The following SEMA3D variants were observed in gnomAD, a reference collection of about 807,000 sequenced individuals.
The protein encoded by SEMA3D is semaphorin-3D.
In SEMA3D, 84 loss-of-function variants were observed where a neutral mutation model predicts 100.1. The ratio of observed to expected loss-of-function variants is 0.84; its 90% CI spans 0.70 to 1.01. The LOEUF (loss-of-function observed/expected upper bound fraction) is 1.01, where lower values mean the gene tolerates loss of function less well. SEMA3D is among the 50% of genes least tolerant of loss of function. The pLI, the probability that SEMA3D is intolerant of heterozygous loss-of-function variation, is 0.00. For missense variants in SEMA3D, 875 were observed against 934.1 expected (o/e 0.94, Z 0.82); for synonymous variants, 312 against 320.7 (o/e 0.97, Z 0.29).
At chr7:85,008,098 A>G (rs1444876778) in intron 17 of SEMA3D, among the ~76,000 whole-genome samples, 1 of 151,858 alleles carries the variant, frequency 6.6e-6, no homozygotes, top group African/African-American at 2.4e-5. Context: ...CAGTTAATAA[A>G]TTCCTAATGC....
At chr7:85,194,546 G>C in the SEMA3D span, among the ~76,000 whole-genome samples, 4 of 152,058 alleles carry the variant, frequency 2.6e-5, no homozygotes, top group Non-Finnish European at 5.9e-5. Flanking sequence ...CTCAGTCAAT[G>C]ATTTTTCAGC....
chr7:85,234,865 C>T, the SEMA3D span, among the ~76,000 whole-genome samples: 120 of 152,286 alleles, frequency 7.9e-4, 1 homozygote, highest in Non-Finnish European at 3.5e-4. Context: ...GGAAGAGTCC[C>T]TTTGCATCGC....
At chr7:85,134,655 C>G (rs559984878) in intron 2 of SEMA3D, among the ~76,000 whole-genome samples, 3 of 151,964 alleles carry the variant, frequency 2.0e-5, no homozygotes, top group African/African-American at 7.2e-5. Context: ...CCACGGTATC[C>G]CCAAAGCTTA....
At position 84,998,847 on chromosome 7, in the gene SEMA3D, G is replaced by A. The variant is rs149764246; in HGVS notation, c.*593C>T. 2,275 of 153,430 alleles carry A rather than the reference G, an allele frequency of 0.015. 27 individuals are homozygous for A. Among genetic ancestry groups the A allele is most frequent in the Non-Finnish European group, 0.024 (1,667 of 68,892 alleles). 9.5% of individuals were successfully genotyped at this position (153,430 alleles called of 1,614,324 possible). On this transcript the variant is annotated 3_prime_UTR_variant, in exon 19 of 19. Coordinates refer to ENST00000284136, the MANE Select transcript of SEMA3D (RefSeq NM_001384900.1). ...CATTAGTGCCCTTCAGTAAATCAATGTTGTAGTACACTAAATTTAACCCCA... is the reference window on the plus strand; with the variant it reads ...CATTAGTGCCCTTCAGTAAATCAATATTGTAGTACACTAAATTTAACCCCA...
intron 5 of SEMA3D, among the ~76,000 whole-genome samples, chr7:85,077,413 T>C (rs978750916): frequency 3.4e-4 from 52 of 152,174 alleles, no homozygotes; most frequent in African/African-American, 9.6e-4. Flanking sequence ...ATTTATGTTA[T>C]ACAAATATGT....
intron 16 of SEMA3D, among the ~76,000 whole-genome samples, chr7:85,013,134 A>G (rs1220542966): frequency 6.6e-6 from 1 of 151,824 alleles, no homozygotes; most frequent in African/African-American, 2.4e-5. Flanking sequence ...AAAAGGTTAA[A>G]TAAAAATACA....
chr7:85,037,283 G>A (rs1408503717), intron 11 of SEMA3D, among the ~76,000 whole-genome samples: 1 of 152,156 alleles, frequency 6.6e-6, no homozygotes, highest in Non-Finnish European at 1.5e-5. Context: ...ACCCAGTATA[G>A]GGCTGCCAGG....
At chr7:85,225,825 C>T in the SEMA3D span, among the ~76,000 whole-genome samples, 31 of 152,162 alleles carry the variant, frequency 2.0e-4, no homozygotes, top group Admixed American at 9.8e-4. Context: ...CCATTGCATC[C>T]GGCCAGGGGG....
chr7:85,230,241 C>T, the SEMA3D span, among the ~76,000 whole-genome samples: 3 of 152,152 alleles, frequency 2.0e-5, no homozygotes, highest in African/African-American at 7.2e-5. Context: ...AGAGGCTTTC[C>T]AGAATCACAT....
chr7:85,121,997 A>G, intron 2 of SEMA3D, 66 bp from the exon 3 acceptor site: 1 of 733,352 alleles, frequency 1.4e-6, no homozygotes, highest in African/African-American at 1.8e-5. Context: ...AGAGAAAACC[A>G]AATACCATAT....
chr7:85,249,409 C>A, the SEMA3D span, among the ~76,000 whole-genome samples: 1 of 152,042 alleles, frequency 6.6e-6, no homozygotes, highest in African/African-American at 2.4e-5. Context: ...GAAAAAAGGA[C>A]AGTAGGAAAA....
intron 5 of SEMA3D, among the ~76,000 whole-genome samples, chr7:85,080,703 T>G (rs180821688): frequency 6.6e-6 from 1 of 152,246 alleles, no homozygotes; most frequent in Non-Finnish European, 1.5e-5. Flanking sequence ...ATATCTGTCC[T>G]GAATCAGAGC....
intron 2 of SEMA3D, among the ~76,000 whole-genome samples, chr7:85,128,169 T>C (rs933271601): frequency 3.3e-5 from 5 of 151,722 alleles, no homozygotes; most frequent in African/African-American, 9.7e-5. Flanking sequence ...TTTATTATTT[T>C]ATTTTATTTT....
At chr7:85,050,519 T>C in intron 9 of SEMA3D, 1 of 339,312 alleles carries the variant, frequency 2.9e-6, no homozygotes. Context: ...ACATATTAAG[T>C]TTAAAAGATA....
At chr7:85,136,196 T>C (rs776245256) in intron 2 of SEMA3D, among the ~76,000 whole-genome samples, 1 of 152,160 alleles carries the variant, frequency 6.6e-6, no homozygotes, top group African/African-American at 2.4e-5. Context: ...GAGCAACGAA[T>C]TCTTGATTAT....
chr7:85,173,536 A>T (rs1791143097), intron 1 of SEMA3D, among the ~76,000 whole-genome samples: 1 of 152,126 alleles, frequency 6.6e-6, no homozygotes, highest in African/African-American at 2.4e-5. Context: ...GTAGGCCACC[A>T]AGGGGCTGTT....
At chr7:85,220,800 T>C in the SEMA3D span, among the ~76,000 whole-genome samples, 1 of 152,126 alleles carries the variant, frequency 6.6e-6, no homozygotes, top group African/African-American at 2.4e-5. Flanking sequence ...CTCTCATTGT[T>C]TCTTTGATCC....
the SEMA3D span, among the ~76,000 whole-genome samples, chr7:85,237,614 C>T: frequency 2.8e-4 from 42 of 152,144 alleles, no homozygotes; most frequent in African/African-American, 1.0e-3. Context: ...GGCTTGATAG[C>T]TAATTTCTTT....
chr7:85,201,531 G>A, the SEMA3D span, among the ~76,000 whole-genome samples: 1 of 152,004 alleles, frequency 6.6e-6, no homozygotes, highest in Non-Finnish European at 1.5e-5. Context: ...TTATTTATAT[G>A]TAAATTAGAG....
Sources: allele counts gnomAD v4.1 joint callset (sites outside exome capture counted in the v4.1 genomes callset), GRCh38; gene constraint gnomAD v4.1.1; transcripts MANE v1.5; gene names NCBI Gene and HGNC (gene_info 2026-07-23, HGNC 2026-07-21).